The following SLC2A13 variants were observed in gnomAD, a reference collection of about 807,000 sequenced individuals.
SLC2A13 encodes the protein proton myo-inositol cotransporter.
A neutral mutation model predicts 64.4 loss-of-function variants in SLC2A13; 32 were observed. The observed-to-expected ratio is 0.50, with a 90% CI of 0.37 to 0.67. The LOEUF (loss-of-function observed/expected upper bound fraction) is 0.67, where lower values mean the gene tolerates loss of function less well. Among genes scored for constraint, SLC2A13 ranks in the 30% least tolerant of loss-of-function variants. The probability of loss-of-function intolerance (pLI) is 0.00; values close to 1 mark genes in which losing one functional copy is unlikely to be tolerated. For synonymous variants in SLC2A13, 338 were observed against 327.1 expected (o/e 1.03, Z -0.36); for missense variants, 743 against 829.2 (o/e 0.90, Z 1.28).
At position 39,941,554 on chromosome 12, in the gene SLC2A13, C is replaced by T. The variant is rs182462196; in HGVS notation, c.1034+9703G>A. 5.3e-5 allele frequency among the ~76,000 whole-genome samples: 8 copies of T among 152,216 alleles called. No individual in the cohort carries two copies. In the East Asian group the frequency reaches 1.5e-3, roughly 29 times the overall value. ...TTGAGCATTTTTTCATGTTTGTTGG[C>T]CATTTCTATATATCCTGTTGAGAAT... On this transcript the variant is annotated intron_variant, in intron 4 of 9. Transcript: ENST00000280871.
At chr12:39,813,967 G>T (rs76080602) in intron 7 of SLC2A13, among the ~76,000 whole-genome samples, 1 of 152,098 alleles carries the variant, frequency 6.6e-6, no homozygotes, top group Non-Finnish European at 1.5e-5. Context: ...TTTCAATCTT[G>T]GACAATTTCC....
intron 2 of SLC2A13, among the ~76,000 whole-genome samples, chr12:40,037,964 T>C (rs73101828): frequency 2.0e-5 from 3 of 152,226 alleles, no homozygotes; most frequent in Non-Finnish European, 4.4e-5. Flanking sequence ...GTGTATCAAT[T>C]TGATTAATCT....
At chr12:39,899,014 T>G (rs2136010120) in intron 4 of SLC2A13, among the ~76,000 whole-genome samples, 1 of 152,198 alleles carries the variant, frequency 6.6e-6, no homozygotes, top group African/African-American at 2.4e-5. Context: ...TTAGGGAGGA[T>G]TCCCTCTTTT....
chr12:40,002,642 A>T (rs972666093), intron 3 of SLC2A13, among the ~76,000 whole-genome samples: 2 of 152,184 alleles, frequency 1.3e-5, no homozygotes, highest in Admixed American at 1.3e-4. Context: ...TGAGCTAGGA[A>T]CTCTCTTAGG....
At chr12:39,969,199 T>C (rs113836946) in intron 3 of SLC2A13, among the ~76,000 whole-genome samples, 1 of 152,210 alleles carries the variant, frequency 6.6e-6, no homozygotes, top group Non-Finnish European at 1.5e-5. Context: ...CAGTCTATCA[T>C]TGATGGACAT....
intron 4 of SLC2A13, among the ~76,000 whole-genome samples, chr12:39,895,514 T>TA (rs1944732135): frequency 7.1e-5 from 4 of 56,664 alleles, no homozygotes; most frequent in African/African-American, 3.1e-4. Flanking sequence ...AAAAAAAAAA[T>TA]TATATATATA....
chr12:39,878,696 A>AT (rs1270894172), intron 4 of SLC2A13, among the ~76,000 whole-genome samples: 1 of 152,258 alleles, frequency 6.6e-6, no homozygotes, highest in Admixed American at 6.5e-5. Flanking sequence ...TAGGCAGAGC[A>AT]TAAAAATTTG....
chr12:39,810,485 A>G (rs1241936888), intron 7 of SLC2A13, among the ~76,000 whole-genome samples: 2 of 152,146 alleles, frequency 1.3e-5, no homozygotes, highest in African/African-American at 2.4e-5. Context: ...TTCTTGCCTT[A>G]TTACACTGGC....
chr12:39,826,854 A>ATTTTTTTTTTTTTTTTTTTTTTT (rs63699664), intron 7 of SLC2A13, among the ~76,000 whole-genome samples: 2 of 67,414 alleles, frequency 3.0e-5, no homozygotes, highest in Admixed American at 4.5e-4. Flanking sequence ...GTCTCTTTCA[A>ATTTTTTTTTTTTTTTTTTTTTTT]TTTTTTTTTT....
chr12:40,067,207 T>C (rs1399411750), intron 1 of SLC2A13, among the ~76,000 whole-genome samples: 3 of 151,992 alleles, frequency 2.0e-5, no homozygotes, highest in Non-Finnish European at 4.4e-5. Context: ...AAATTCTTAT[T>C]TATTTATTTT....
chr12:40,020,415 C>T (rs532271626), intron 3 of SLC2A13, among the ~76,000 whole-genome samples: 19 of 152,288 alleles, frequency 1.2e-4, no homozygotes, highest in East Asian at 7.7e-4. Flanking sequence ...CTCTCTCCTG[C>T]GGCCATGTGA....
chr12:40,001,361 G>C (rs1473080108), intron 3 of SLC2A13, among the ~76,000 whole-genome samples: 2 of 152,146 alleles, frequency 1.3e-5, no homozygotes, highest in East Asian at 3.8e-4. Flanking sequence ...ATATTGATTT[G>C]GAATAAAAAG....
chr12:40,105,540 A>G lies in SLC2A13; in HGVS notation c.269T>C (p.Leu90Pro). The G allele has an allele frequency of 6.3e-7, 1 of 1,580,806 alleles. No homozygotes were observed. The change falls in exon 1 of 10, where the codon CTG (leucine) becomes CCG (proline). Residue 90 changes from leucine to proline, a missense_variant. Around this residue, in one of 2 missense-constraint regions of SLC2A13, gnomAD observed 448 missense variants for 447.4 expected, o/e 1.00. Transcript: ENST00000280871. This position sits in a 1 kb window ranked among gnomAD's most constrained non-coding sequence, Gnocchi z 4.2. ...GTCATAGCCAAACAGGAAGCCGCCCAGCGCGGAGAAGACGGCCACCACGTA... is the reference window on the plus strand; with the variant it reads ...GTCATAGCCAAACAGGAAGCCGCCCGGCGCGGAGAAGACGGCCACCACGTA... ...FVYVVAVFSALGGFLFGYDTG... is the reference protein window; with the variant it reads ...FVYVVAVFSAPGGFLFGYDTG...
chr12:39,891,183 CACCA>C (rs1478950253), intron 4 of SLC2A13, among the ~76,000 whole-genome samples: 4 of 149,774 alleles, frequency 2.7e-5, no homozygotes, highest in Non-Finnish European at 4.4e-5. Flanking sequence ...GGGAAACCTT[CACCA>C]GCTCTGCCCC....
intron 6 of SLC2A13, among the ~76,000 whole-genome samples, chr12:39,859,667 C>A (rs994958675): frequency 1.3e-5 from 2 of 152,090 alleles, no homozygotes; most frequent in Non-Finnish European, 2.9e-5. Flanking sequence ...GGATTACAGG[C>A]ACCCACAACC....
intron 3 of SLC2A13, among the ~76,000 whole-genome samples, chr12:40,006,734 A>G (rs1001916941): frequency 1.3e-5 from 2 of 152,190 alleles, no homozygotes; most frequent in African/African-American, 4.8e-5. Flanking sequence ...CCTCCTATCA[A>G]TGGAAGCAAT....
At chr12:39,786,110 T>C (rs1157358776) in intron 7 of SLC2A13, among the ~76,000 whole-genome samples, 1 of 151,948 alleles carries the variant, frequency 6.6e-6, no homozygotes, top group Non-Finnish European at 1.5e-5. Context: ...ACATGAGATT[T>C]GGAGGGGCCA....
intron 6 of SLC2A13, among the ~76,000 whole-genome samples, chr12:39,856,274 C>T (rs1943605118): frequency 6.6e-6 from 1 of 152,202 alleles, no homozygotes; most frequent in African/African-American, 2.4e-5. Context: ...TCCATCCATC[C>T]ATCCACCCAA....
rs374629377 is a variant in SLC2A13 at position 39,760,219 on chromosome 12, A to G, written c.1754T>C (p.Val585Ala). ...AFFLYAGFAAVGLLFIYGCLP... is the reference protein window; with the variant it reads ...AFFLYAGFAAAGLLFIYGCLP... Reference sequence around the variant, plus strand: ...ACAGCCATAGATGAAAAGGAGTCCCACAGCAGCAAATCCAGCATAGAGGAA... The same window carrying G: ...ACAGCCATAGATGAAAAGGAGTCCCGCAGCAGCAAATCCAGCATAGAGGAA... Residue 585 changes from valine to alanine, a missense_variant, in exon 10 of 10, where the codon GTG becomes GCG. Physicochemically the swap from Val to Ala is moderately conservative, Grantham distance 64. Transcript: ENST00000280871. 1.9e-6 allele frequency: 3 copies of G among 1,612,514 alleles called. No homozygotes were observed. The African/African-American group carries it at 4.0e-5, about 22-fold the overall frequency.
Sources: allele counts gnomAD v4.1 joint callset (sites outside exome capture counted in the v4.1 genomes callset), GRCh38; gene constraint gnomAD v4.1.1; regional missense constraint gnomAD v4.1.1; non-coding constraint Gnocchi (gnomAD v3.1); transcripts MANE v1.5; gene names NCBI Gene and HGNC (gene_info 2026-07-23, HGNC 2026-07-21).